The following VMA21 variants were observed in gnomAD, a reference collection of about 807,000 sequenced individuals.
VMA21 encodes the protein vacuolar ATPase assembly integral membrane protein VMA21.
For synonymous variants in VMA21, 47 were observed against 34.1 expected, an observed-to-expected ratio of 1.38 and a Z score of -1.32; for missense variants, 61 against 80.6, an observed-to-expected ratio of 0.76 and a Z score of 0.93.
upstream of VMA21, chrX:151,396,888 G>A (rs1377307253): frequency 7.7e-6 from 4 of 522,254 alleles, no homozygotes; most frequent in African/African-American, 2.3e-5. Flanking sequence ...AGACGCAGAC[G>A]AGGACCAGTG....
At position 151,397,290 on chromosome X, in the gene VMA21, G is replaced by C; in HGVS notation, c.-19G>C. 3 of 1,156,738 alleles carry C rather than the reference G, an allele frequency of 2.6e-6. No homozygotes were observed. The highest frequency in any genetic ancestry group is 3.4e-6 in the Non-Finnish European group (3 of 870,490). On this transcript the variant is annotated 5_prime_UTR_variant, in exon 1 of 3. Coordinates refer to ENST00000330374, the MANE Select transcript of VMA21 (RefSeq NM_001017980.4). ...AGCCCAGCTCCGCCGCCGAGCGCCT[G>C]TGCCGGCACGGCTACACCATGGAGC...
rs2011296909 is a variant in VMA21 at position 151,406,721 on chromosome X, C to A, written c.*1663C>A. ...TAAATAAGCACATTCTATCTTTATTCTCTTAAAATTCAAATTTTCTGTTAC... is the reference window on the plus strand; with the variant it reads ...TAAATAAGCACATTCTATCTTTATTATCTTAAAATTCAAATTTTCTGTTAC... On this transcript the variant is annotated 3_prime_UTR_variant, in exon 3 of 3. Coordinates refer to ENST00000330374, the MANE Select transcript of VMA21 (RefSeq NM_001017980.4). 8.9e-6 allele frequency: 1 copy of A among 111,858 alleles called. No homozygotes were observed. Among genetic ancestry groups the A allele is most frequent in the African/African-American group, 3.2e-5 (1 of 30,773 alleles). The allele number at this position is 111,858 out of a possible 1,213,427, so 9.2% of individuals were successfully genotyped here.
chrX:151,402,015 A>G (rs1009735718), intron 1 of VMA21, among the ~76,000 whole-genome samples: 1 of 111,234 alleles, frequency 9.0e-6, no homozygotes, highest in Non-Finnish European at 1.9e-5. Flanking sequence ...TGCTGGGATT[A>G]CAGGCATGAG....
chrX:151,397,191 C>T, upstream of VMA21: 1 of 868,771 alleles, frequency 1.2e-6, no homozygotes. Context: ...ACGGGCACTT[C>T]CGGCGCGAAC....
At chrX:151,397,186 CACTTCCGGCGCGAACCGCT>C, upstream of VMA21, 2 of 784,963 alleles carry the variant, frequency 2.5e-6, no homozygotes, top group East Asian at 4.1e-5. Flanking sequence ...CGCGAACGGG[CACTTCCGGCGCGAACCGCT>C]ACTTCCGGTG....
chrX:151,404,986 G>A lies in VMA21; in HGVS notation c.234G>A (p.Val78=), dbSNP rs199987906. The change falls in exon 3 of 3, where the codon GTG becomes GTA. Residue 78 remains valine, a synonymous_variant. Coordinates refer to ENST00000330374, the MANE Select transcript of VMA21 (RefSeq NM_001017980.4). ...TTGTTGCAGTGGTCGCCGTCCATGT[G>A]GTGCTGGCCCTCTTTGTGTATGTGG... ...AAIVAVVAVH[V]VLALFVYVAW... 3 of 1,208,517 alleles carry A rather than the reference G, an allele frequency of 2.5e-6. No individual in the cohort carries two copies. Among genetic ancestry groups the A allele is most frequent in the Middle Eastern group, 2.3e-4 (1 of 4,313 alleles).
rs1393849629 is a variant in VMA21 at position 151,405,329 on chromosome X, T to C, written c.*271T>C. 3.5e-6 allele frequency: 1 copy of C among 286,407 alleles called. No individual in the cohort carries two copies. Among genetic ancestry groups the C allele is most frequent in the African/African-American group, 2.8e-5 (1 of 35,916 alleles). 23.6% of individuals were successfully genotyped at this position (286,407 alleles called of 1,213,427 possible). ...ACAATACTCTGGAAGGAATTTTATCTTCTTTCAACAAAACATGTTTTATAG... is the reference window on the plus strand; with the variant it reads ...ACAATACTCTGGAAGGAATTTTATCCTCTTTCAACAAAACATGTTTTATAG... On this transcript the variant is annotated 3_prime_UTR_variant, in exon 3 of 3. Transcript: ENST00000330374.
At chrX:151,398,559 G>A (rs1204908995) in intron 1 of VMA21, among the ~76,000 whole-genome samples, 1 of 110,999 alleles carries the variant, frequency 9.0e-6, no homozygotes, top group Non-Finnish European at 1.9e-5. Flanking sequence ...GTTCCATGGT[G>A]TATATGTACC....
upstream of VMA21, chrX:151,396,919 G>C (rs1406506113): frequency 5.7e-6 from 3 of 522,091 alleles, no homozygotes; most frequent in Non-Finnish European, 1.0e-5. Flanking sequence ...TTCAGGGGGC[G>C]GCGTAGCCGC....
intron 1 of VMA21, among the ~76,000 whole-genome samples, chrX:151,403,006 T>G (rs1247845034): frequency 9.0e-6 from 1 of 110,782 alleles, no homozygotes; most frequent in Non-Finnish European, 1.9e-5. Context: ...TCAGGGTTGC[T>G]GCGTGGGCTC....
intron 1 of VMA21, among the ~76,000 whole-genome samples, chrX:151,403,117 T>C (rs2011250884): frequency 8.9e-6 from 1 of 111,965 alleles, no homozygotes; most frequent in Non-Finnish European, 1.9e-5. Context: ...GTCCACTGTC[T>C]CATGCTGGAG....
In VMA21 at chrX:151,406,769, C is replaced by A. The variant is rs2011297400; in HGVS notation, c.*1711C>A. 1 of 111,933 alleles carries A rather than the reference C, an allele frequency of 8.9e-6. No homozygotes were observed. The highest frequency in any genetic ancestry group is 9.5e-5 in the Admixed American group (1 of 10,545). The allele number at this position is 111,933 out of a possible 1,213,427, so 9.2% of individuals were successfully genotyped here. The stretch of plus-strand genomic sequence containing the variant: ...TACTGATAATCCTAATACTAGGATT[C>A]TTGCTTAAGTATGTGAAACCATTAC... On this transcript the variant is annotated 3_prime_UTR_variant, in exon 3 of 3. Coordinates refer to ENST00000330374, the MANE Select transcript of VMA21 (RefSeq NM_001017980.4).
chrX:151,404,553 GGA>G (rs1214763490), intron 2 of VMA21, among the ~76,000 whole-genome samples: 34 of 110,690 alleles, frequency 3.1e-4, no homozygotes, highest in Admixed American at 3.0e-3. Flanking sequence ...CGAGTAGCTG[GGA>G]CTACAGGCGC....
rs1444483697 is a variant in VMA21, at chrX:151,406,496, C to T, written c.*1438C>T. The stretch of plus-strand genomic sequence containing the variant: ...GGTTCAAGTGATTCTCCACCTCAGC[C>T]TCCCAAGTAGCTGGGACTACGGATG... On this transcript the variant is annotated 3_prime_UTR_variant, in exon 3 of 3. Coordinates refer to ENST00000330374, the MANE Select transcript of VMA21 (RefSeq NM_001017980.4). 1.8e-5 allele frequency: 2 copies of T among 111,280 alleles called. No homozygotes were observed. The highest frequency in any genetic ancestry group is 3.8e-5 in the Non-Finnish European group (2 of 53,037). 9.2% of individuals were successfully genotyped at this position (111,280 alleles called of 1,213,427 possible). A position where few individuals can be genotyped will look rare whatever the true frequency, so the allele number is the denominator to read the frequency against.
chrX:151,404,728 G>A (rs2011270276), intron 2 of VMA21, among the ~76,000 whole-genome samples, 188 bp from the exon 3 acceptor site: 1 of 111,928 alleles, frequency 8.9e-6, no homozygotes, highest in African/African-American at 3.2e-5. Context: ...CCAACATAAT[G>A]TTCTTAATAT....
In VMA21 at chrX:151,407,965, C is replaced by T. The variant is rs1053570211; in HGVS notation, c.*2907C>T. 6.5e-5 allele frequency: 7 copies of T among 108,313 alleles called. No homozygotes were observed. Among genetic ancestry groups the T allele is most frequent in the South Asian group, 4.1e-4 (1 of 2,425 alleles). 8.9% of individuals were successfully genotyped at this position (108,313 alleles called of 1,213,427 possible). ...GGAGTGCAAGGGCGCAATCTCGGCT[C>T]GCTGCAACCTCCGCCTCCCGGGTTC... On this transcript the variant is annotated 3_prime_UTR_variant, in exon 3 of 3. Transcript: ENST00000330374.
At chrX:151,397,503 G>T (rs189185759) in intron 1 of VMA21, 142 bp downstream of exon 1, 53 of 711,787 alleles carry the variant, frequency 7.4e-5, no homozygotes, top group Non-Finnish European at 9.9e-5. Context: ...GGGAAAGCAG[G>T]TTGGAGCCTG....
Position 151,407,544 on chromosome X carries a change from G to C in VMA21, c.*2486G>C, listed in dbSNP as rs1169918878. 4.4e-5 allele frequency: 5 copies of C among 112,616 alleles called. No individual in the cohort carries two copies. The highest frequency in any genetic ancestry group is 9.4e-5 in the Non-Finnish European group (5 of 53,248). 9.3% of individuals were successfully genotyped at this position (112,616 alleles called of 1,213,427 possible). ...TTAAGGTAGAAATATGTTCCCTATT[G>C]TTTGAAAACTGATTGTAAGAATAAC... On this transcript the variant is annotated 3_prime_UTR_variant, in exon 3 of 3. Transcript: ENST00000330374.
rs192677771 is a variant in VMA21, at chrX:151,409,215, G to A, written c.*4157G>A. On this transcript the variant is annotated 3_prime_UTR_variant, in exon 3 of 3. Transcript: ENST00000330374. ...GTATAATCATCAAAATGGGGGGCTT[G>A]AGTTCTTTAGCTACTTGAATCCGAT... 29 of 112,029 alleles carry A rather than the reference G, an allele frequency of 2.6e-4. No homozygotes were observed. The highest frequency in any genetic ancestry group is 9.1e-4 in the African/African-American group (28 of 30,826). The allele number at this position is 112,029 out of a possible 1,213,427, so 9.2% of individuals were successfully genotyped here.
Sources: gnomAD v4.1 joint callset for allele counts (sites outside exome capture counted in the v4.1 genomes callset) on GRCh38, gnomAD v4.1.1 for gene constraint, MANE v1.5 for transcripts, NCBI Gene and HGNC (gene_info 2026-07-23, HGNC 2026-07-21) for gene names.